Variants in C1orf21 observed in about 807,000 individuals in gnomAD.
C1orf21 encodes uncharacterized protein C1orf21.
A neutral mutation model predicts 18.7 loss-of-function variants in C1orf21; 3 were observed. The ratio of observed to expected loss-of-function variants is 0.16; its 90% CI spans 0.07 to 0.42. C1orf21 has a LOEUF of 0.42. Ranked by LOEUF, C1orf21 falls within the 10% of genes least tolerant of loss-of-function variation. The pLI, the probability that C1orf21 is intolerant of heterozygous loss-of-function variation, is 0.99. For synonymous variants in C1orf21, 41 were observed against 46.4 expected, an observed-to-expected ratio of 0.88 and a Z score of 0.47; for missense variants, 104 against 143.6, an observed-to-expected ratio of 0.72 and a Z score of 1.41.
intron 1 of C1orf21, among the ~76,000 whole-genome samples, chr1:184,445,979 A>T (rs1229404024): frequency 6.6e-6 from 1 of 152,186 alleles, no homozygotes; most frequent in Non-Finnish European, 1.5e-5. Flanking sequence ...AGTTACCCAT[A>T]TGGGTGATAT....
chr1:184,486,107 C>T (rs1005370768), intron 2 of C1orf21, among the ~76,000 whole-genome samples: 1 of 152,174 alleles, frequency 6.6e-6, no homozygotes, highest in South Asian at 2.1e-4. Flanking sequence ...AGAAGCCAGT[C>T]GACCTTGGCT....
At chr1:184,574,092 C>A (rs1659151792) in intron 3 of C1orf21, among the ~76,000 whole-genome samples, 1 of 152,220 alleles carries the variant, frequency 6.6e-6, no homozygotes, top group East Asian at 1.9e-4. Flanking sequence ...GTAATCCCAG[C>A]TACTCGGGAG....
chr1:184,412,232 T>G (rs559643317), intron 1 of C1orf21: 1 of 152,234 alleles, frequency 6.6e-6, no homozygotes, highest in Admixed American at 6.5e-5. Context: ...ACTGTTAAGG[T>G]GCAGGTATTG....
chr1:184,574,099 G>A (rs1237684368), intron 3 of C1orf21, among the ~76,000 whole-genome samples: 1 of 152,144 alleles, frequency 6.6e-6, no homozygotes, highest in East Asian at 1.9e-4. Context: ...CAGCTACTCG[G>A]GAGGCTGATA....
At chr1:184,482,521 A>C (rs923503720) in intron 2 of C1orf21, among the ~76,000 whole-genome samples, 4 of 152,240 alleles carry the variant, frequency 2.6e-5, no homozygotes, top group African/African-American at 4.8e-5. Context: ...TTATGACTCC[A>C]TGACTGGGAT....
intron 2 of C1orf21, among the ~76,000 whole-genome samples, chr1:184,482,814 C>T (rs765260110): frequency 2.2e-4 from 34 of 152,074 alleles, no homozygotes; most frequent in Non-Finnish European, 4.6e-4. Flanking sequence ...AGCTTTGATG[C>T]CCAATGTGTT....
intron 5 of C1orf21, among the ~76,000 whole-genome samples, chr1:184,610,846 C>CAAAA (rs201966213): frequency 2.8e-5 from 2 of 72,414 alleles, no homozygotes; most frequent in African/African-American, 1.0e-4. Flanking sequence ...GACTCTGACT[C>CAAAA]AAAAAAAAAA....
At chr1:184,522,914 T>C (rs866404725) in intron 3 of C1orf21, among the ~76,000 whole-genome samples, 1 of 152,110 alleles carries the variant, frequency 6.6e-6, no homozygotes, top group Non-Finnish European at 1.5e-5. Context: ...TCTTGAACTC[T>C]TGAGCTCAAG....
intron 2 of C1orf21, among the ~76,000 whole-genome samples, chr1:184,492,626 A>T (rs181836888): frequency 6.0e-4 from 92 of 152,334 alleles, no homozygotes; most frequent in African/African-American, 2.1e-3. Context: ...CATTACCATG[A>T]GCCTGAAGGT....
chr1:184,411,291 T>C (rs953572434), intron 1 of C1orf21, among the ~76,000 whole-genome samples: 31 of 152,314 alleles, frequency 2.0e-4, no homozygotes, highest in African/African-American at 7.5e-4. Flanking sequence ...AATATTTATT[T>C]GTTCTTTGTA....
intron 1 of C1orf21, among the ~76,000 whole-genome samples, chr1:184,432,319 A>G (rs1656778101): frequency 6.6e-6 from 1 of 152,106 alleles, no homozygotes; most frequent in African/African-American, 2.4e-5. Context: ...TGGCACATAT[A>G]CATGGAATAC....
chr1:184,599,167 T>C (rs1324606790), intron 5 of C1orf21, among the ~76,000 whole-genome samples: 1 of 152,224 alleles, frequency 6.6e-6, no homozygotes, highest in African/African-American at 2.4e-5. Flanking sequence ...GAATCTTAAA[T>C]GGTAAAGATA....
At chr1:184,539,917 A>G (rs1416594204) in intron 3 of C1orf21, 2 of 152,206 alleles carry the variant, frequency 1.3e-5, no homozygotes, top group African/African-American at 2.4e-5. Context: ...GATCTCTTTC[A>G]ATCTGCATTC....
chr1:184,584,446 C>G (rs1267903435), intron 3 of C1orf21, among the ~76,000 whole-genome samples: 1 of 152,102 alleles, frequency 6.6e-6, no homozygotes, highest in East Asian at 1.9e-4. Flanking sequence ...TGTGGAGAAA[C>G]TACAGCCCTT....
chr1:184,412,116 T>G (rs1398786167), intron 1 of C1orf21: 2 of 152,228 alleles, frequency 1.3e-5, no homozygotes, highest in Admixed American at 6.5e-5. Context: ...TTTAGTTCCC[T>G]TACCCCCATT....
At chr1:184,562,354 A>G (rs894549861) in intron 3 of C1orf21, among the ~76,000 whole-genome samples, 10 of 152,206 alleles carry the variant, frequency 6.6e-5, no homozygotes, top group Non-Finnish European at 1.3e-4. Flanking sequence ...TTATATAGCA[A>G]TATCTCTCCC....
At chr1:184,589,749 A>G (rs140194650) in intron 3 of C1orf21, among the ~76,000 whole-genome samples, 113 of 152,336 alleles carry the variant, frequency 7.4e-4, no homozygotes, top group African/African-American at 2.5e-3. Context: ...CAACTAGAAT[A>G]TGTAAGTCAT....
intron 3 of C1orf21, among the ~76,000 whole-genome samples, chr1:184,550,345 C>T (rs1056851792): frequency 3.9e-5 from 6 of 152,148 alleles, no homozygotes; most frequent in African/African-American, 1.4e-4. Context: ...TTTCTTCACC[C>T]AATACAAGAA....
chr1:184,437,409 G>T (rs891791379), intron 1 of C1orf21, among the ~76,000 whole-genome samples: 1 of 151,758 alleles, frequency 6.6e-6, no homozygotes, highest in East Asian at 1.9e-4. Flanking sequence ...TTCCCTTGGC[G>T]CTTTGTTTTT....
Sources: gnomAD v4.1 joint callset for allele counts (sites outside exome capture counted in the v4.1 genomes callset) on GRCh38, gnomAD v4.1.1 for gene constraint, MANE v1.5 for transcripts, NCBI Gene and HGNC (gene_info 2026-07-23, HGNC 2026-07-21) for gene names.